DYM: variants seen among roughly 807,000 people sequenced by gnomAD.
DYM encodes the protein dyggve-Melchior-Clausen syndrome protein.
A neutral mutation model predicts 93.1 loss-of-function variants in DYM; 78 were observed. The ratio of observed to expected loss-of-function variants is 0.84; its 90% CI spans 0.70 to 1.01. DYM has a LOEUF of 1.01. DYM is among the 50% of genes least tolerant of loss of function. DYM has a pLI of 0.00. For missense variants in DYM, 789 were observed against 845.0 expected, an observed-to-expected ratio of 0.93 and a Z score of 0.82; for synonymous variants, 321 against 319.7, an observed-to-expected ratio of 1.00 and a Z score of -0.04.
chr18:49,165,749 C>A (rs2145127186), intron 14 of DYM, among the ~76,000 whole-genome samples: 1 of 152,170 alleles, frequency 6.6e-6, no homozygotes, highest in South Asian at 2.1e-4. Context: ...TTTTATGATA[C>A]TGGTTACATG....
chr18:49,441,313 T>TTATATATA (rs1260123556), intron 1 of DYM, among the ~76,000 whole-genome samples: 27 of 68,826 alleles, frequency 3.9e-4, no homozygotes, highest in Admixed American at 5.0e-4. Context: ...ATATAATTAA[T>TTATATATA]ATATAATTAT....
At chr18:49,194,117 CTTAG>C (rs139920953) in intron 14 of DYM, among the ~76,000 whole-genome samples, 4,414 of 152,252 alleles carry the variant, frequency 0.029, 94 homozygotes, top group South Asian at 0.072. Flanking sequence ...CTGTTAGACA[CTTAG>C]TAACAAAGAA....
At chr18:49,358,409 G>A (rs986749352) in intron 6 of DYM, among the ~76,000 whole-genome samples, 7 of 152,126 alleles carry the variant, frequency 4.6e-5, no homozygotes, top group African/African-American at 1.7e-4. Flanking sequence ...ACATTAGCAA[G>A]ACCACCAGTG....
At chr18:49,447,202 A>G (rs1311459173) in intron 1 of DYM, 1 of 152,214 alleles carries the variant, frequency 6.6e-6, no homozygotes, top group Non-Finnish European at 1.5e-5. Flanking sequence ...CTGTTCAAGG[A>G]CCTGAAAGAA....
intron 8 of DYM, chr18:49,321,435 G>A (rs1838910427): frequency 2.5e-6 from 1 of 397,860 alleles, no homozygotes; most frequent in Admixed American, 4.4e-5. Context: ...AGCCAATCCT[G>A]GGAACTGGTT....
intron 8 of DYM, among the ~76,000 whole-genome samples, chr18:49,305,081 T>C (rs957119211): frequency 2.0e-5 from 3 of 152,156 alleles, no homozygotes; most frequent in Non-Finnish European, 4.4e-5. Context: ...TTATCTCTAC[T>C]ACTTTTCTCA....
At chr18:49,329,249 A>G (rs1448121439) in intron 8 of DYM, among the ~76,000 whole-genome samples, 51 of 129,894 alleles carry the variant, frequency 3.9e-4, no homozygotes, top group Non-Finnish European at 1.3e-4. Context: ...ACTCTTGGAC[A>G]CAGGGCAGGG....
At chr18:49,051,294 G>A (rs190529653) in intron 17 of DYM, among the ~76,000 whole-genome samples, 1 of 152,340 alleles carries the variant, frequency 6.6e-6, no homozygotes, top group East Asian at 1.9e-4. Context: ...ATCACCAGGT[G>A]AGCCCAGGCT....
intron 2 of DYM, among the ~76,000 whole-genome samples, chr18:49,392,710 A>G (rs2069423581): frequency 7.7e-6 from 1 of 129,970 alleles, no homozygotes; most frequent in East Asian, 2.8e-4. Flanking sequence ...AAAAAAAAAA[A>G]GAGGCCAGGC....
chr18:49,106,682 T>C (rs2080851425), intron 16 of DYM, among the ~76,000 whole-genome samples: 1 of 152,216 alleles, frequency 6.6e-6, no homozygotes, highest in Non-Finnish European at 1.5e-5. Context: ...TTTGGCTGGA[T>C]ATGAAATTCT....
intron 8 of DYM, among the ~76,000 whole-genome samples, chr18:49,292,357 C>CAG (rs1306163725): frequency 0.014 from 740 of 53,998 alleles, 3 homozygotes; most frequent in Middle Eastern, 0.034. Flanking sequence ...GACAGACAGA[C>CAG]ACACACACAC....
intron 13 of DYM, among the ~76,000 whole-genome samples, chr18:49,235,775 GA>G: frequency 6.7e-6 from 1 of 148,498 alleles, no homozygotes; most frequent in South Asian, 2.1e-4. Context: ...CACTGTGAAA[GA>G]AAAAAAAAAA....
intron 17 of DYM, among the ~76,000 whole-genome samples, chr18:49,078,553 G>A (rs560011796): frequency 3.3e-5 from 5 of 151,928 alleles, no homozygotes; most frequent in South Asian, 2.1e-4. Context: ...ATTCCCTTCC[G>A]GCTCTTTCCC....
intron 15 of DYM, among the ~76,000 whole-genome samples, chr18:49,124,238 C>T (rs1326389052): frequency 6.6e-6 from 1 of 152,148 alleles, no homozygotes; most frequent in Non-Finnish European, 1.5e-5. Flanking sequence ...GGTACAGCAG[C>T]TCACATCTGT....
At chr18:49,354,512 C>A (rs1296474426) in intron 6 of DYM, among the ~76,000 whole-genome samples, 1 of 151,986 alleles carries the variant, frequency 6.6e-6, no homozygotes, top group Non-Finnish European at 1.5e-5. Context: ...ATGCCACAGG[C>A]TGGGAGAAAA....
chr18:49,246,145 GGGAGTTATCTACCTACC>G (rs2094160232), intron 13 of DYM, among the ~76,000 whole-genome samples: 1 of 152,160 alleles, frequency 6.6e-6, no homozygotes, highest in African/African-American at 2.4e-5. Context: ...ACTTGTGATA[GGGAGTTATCTACCTACC>G]TTTTTAAAGC....
At chr18:49,222,608 A>C (rs2093404129) in intron 13 of DYM, among the ~76,000 whole-genome samples, 1 of 152,152 alleles carries the variant, frequency 6.6e-6, no homozygotes, top group Admixed American at 6.6e-5. Flanking sequence ...AAAAACATAC[A>C]ATCTATATGG....
At chr18:49,128,697 T>A (rs1032159380) in intron 15 of DYM, among the ~76,000 whole-genome samples, 3 of 152,178 alleles carry the variant, frequency 2.0e-5, no homozygotes, top group African/African-American at 7.2e-5. Flanking sequence ...AAAGTAAATT[T>A]TATTAATATA....
rs369942208 is a variant in DYM, at chr18:49,051,889, G to A, written c.2026-7685C>T. On this transcript the variant is annotated intron_variant, in intron 17 of 17. Transcript: ENST00000675505. ...TGAAAGAGCGGGTAGAGAGAGCAGCGTGAACACACAGCCGTTATTGGAAAA... is the reference window on the plus strand; with the variant it reads ...TGAAAGAGCGGGTAGAGAGAGCAGCATGAACACACAGCCGTTATTGGAAAA... Among the ~76,000 whole-genome samples the A allele has an allele frequency of 1.3e-4, 20 of 152,344 alleles. No individual in the cohort carries two copies. In the East Asian group the frequency reaches 3.3e-3, roughly 25 times the overall value.
Sources: allele counts gnomAD v4.1 joint callset (sites outside exome capture counted in the v4.1 genomes callset), GRCh38; gene constraint gnomAD v4.1.1; transcripts MANE v1.5; gene names NCBI Gene and HGNC (gene_info 2026-07-23, HGNC 2026-07-21).